The following CLEC16A variants were observed in gnomAD, a reference collection of about 807,000 sequenced individuals.
CLEC16A encodes C-type lectin domain containing 16A.
Under a neutral mutation model 109.5 loss-of-function variants are expected in CLEC16A, and 51 were observed. The observed-to-expected ratio is 0.47, with a 90% CI of 0.37 to 0.59. CLEC16A has a LOEUF of 0.59. CLEC16A is among the 20% of genes least tolerant of loss of function. CLEC16A has a pLI of 0.00. For synonymous variants in CLEC16A, 673 were observed against 564.2 expected (o/e 1.19, Z -2.73); for missense variants, 1,339 against 1,394.0 (o/e 0.96, Z 0.63).
At chr16:11,149,527 C>T (rs1244841654) in intron 22 of CLEC16A, among the ~76,000 whole-genome samples, 1 of 152,062 alleles carries the variant, frequency 6.6e-6, no homozygotes, top group African/African-American at 2.4e-5. Context: ...CACAGTGGCT[C>T]ATGCCTGTAA....
At chr16:11,112,809 A>G (rs1003899171) in intron 19 of CLEC16A, among the ~76,000 whole-genome samples, 4 of 152,234 alleles carry the variant, frequency 2.6e-5, no homozygotes, top group Non-Finnish European at 5.9e-5. Context: ...GAGGCATGCC[A>G]TACCTTCAGG....
At chr16:11,061,145 G>C in intron 19 of CLEC16A, 123 bp downstream of exon 19, 1 of 1,169,102 alleles carries the variant, frequency 8.6e-7, no homozygotes, top group Non-Finnish European at 1.1e-6. Context: ...CTATTATTGA[G>C]CTGTGACCTT....
chr16:11,151,234 A>G (rs1418369290), intron 22 of CLEC16A, among the ~76,000 whole-genome samples: 1 of 152,220 alleles, frequency 6.6e-6, no homozygotes, highest in African/African-American at 2.4e-5. Flanking sequence ...CTTATTCAGA[A>G]ATCTTGGTCT....
At chr16:10,969,358 T>A in intron 4 of CLEC16A, 49 bp downstream of exon 4, 3 of 149,536 alleles carry the variant, frequency 2.0e-5, no homozygotes, top group Non-Finnish European at 2.4e-5. Context: ...CACACGTGGC[T>A]TTTTTTTTTT....
At chr16:11,018,409 GAGAGCCTTCCAGGC>G (rs932579336) in intron 11 of CLEC16A, among the ~76,000 whole-genome samples, 1 of 152,102 alleles carries the variant, frequency 6.6e-6, no homozygotes, top group Non-Finnish European at 1.5e-5. Context: ...GACCTGGTGT[GAGAGCCTTCCAGGC>G]AGAGGAAATT....
chr16:11,128,636 C>G (rs959758322), intron 22 of CLEC16A, among the ~76,000 whole-genome samples: 4 of 152,210 alleles, frequency 2.6e-5, no homozygotes, highest in South Asian at 4.1e-4. Flanking sequence ...TGGCTTGGCA[C>G]CAGAGCTGTG....
intron 3 of CLEC16A, 29 bp downstream of exon 3, chr16:10,962,617 GTGC>G (rs2042303217): frequency 1.2e-6 from 2 of 1,610,214 alleles, no homozygotes; most frequent in Non-Finnish European, 1.7e-6. Flanking sequence ...ATTTGCCTCT[GTGC>G]TGCTGTGCAT....
chr16:11,127,059 A>G (rs1434527187), intron 22 of CLEC16A, among the ~76,000 whole-genome samples: 2 of 152,230 alleles, frequency 1.3e-5, no homozygotes, highest in Non-Finnish European at 2.9e-5. Context: ...ATGATTTTTT[A>G]AAATCCAGAC....
At chr16:10,985,494 A>G (rs1026152366) in intron 10 of CLEC16A, among the ~76,000 whole-genome samples, 3 of 151,594 alleles carry the variant, frequency 2.0e-5, no homozygotes, top group East Asian at 1.9e-4. Flanking sequence ...AACTGGGACT[A>G]CATTGATGTT....
At position 11,178,443 on chromosome 16, in the gene CLEC16A, C is replaced by T; in HGVS notation, c.2915C>T (p.Ala972Val). ...SKPSKNVARSAAVETASLSPS... is the reference protein window; with the variant it reads ...SKPSKNVARSVAVETASLSPS... ...CCCAGCAAGAACGTGGCCAGGAGCGCAGCCGTGGAGACAGCCAGCCTGTCC... is the reference window on the plus strand; with the variant it reads ...CCCAGCAAGAACGTGGCCAGGAGCGTAGCCGTGGAGACAGCCAGCCTGTCC... The change falls in exon 24 of 24, where the codon GCA becomes GTA. Residue 972 changes from alanine to valine, a missense_variant. Physicochemically the swap from Ala to Val is moderately conservative, Grantham distance 64. This residue lies in a region of CLEC16A where 1,061 missense variants were observed against 1,006.8 expected (regional missense o/e 1.05). Transcript: ENST00000409790. The surrounding 1 kb of genome is among the most constrained non-coding windows in gnomAD (Gnocchi z 6.5). 1 of 1,613,592 alleles carries T rather than the reference C, an allele frequency of 6.2e-7. No homozygotes were observed.
chr16:11,036,968 G>A (rs1333476894), intron 13 of CLEC16A, among the ~76,000 whole-genome samples: 2 of 152,214 alleles, frequency 1.3e-5, no homozygotes, highest in African/African-American at 2.4e-5. Context: ...GCATAATAAT[G>A]AGAGATAAAG....
rs1021610738 is a variant in CLEC16A at position 10,948,174 on chromosome 16, T to C, written c.80+3377T>C. Among the ~76,000 whole-genome samples, 5 of 152,348 alleles carry C rather than the reference T, an allele frequency of 3.3e-5. No individual in the cohort carries two copies. In the South Asian group the frequency reaches 1.0e-3, roughly 32 times the overall value. ...TCCCAAAGTGCTGGGATTACAGGCATGAGCCACTGCACCCGGCCTAGACTT... is the reference window on the plus strand; with the variant it reads ...TCCCAAAGTGCTGGGATTACAGGCACGAGCCACTGCACCCGGCCTAGACTT... On this transcript the variant is annotated intron_variant, in intron 1 of 23. Transcript: ENST00000409790.
At chr16:11,075,396 G>GTC (rs1168161185) in intron 19 of CLEC16A, among the ~76,000 whole-genome samples, 4 of 133,380 alleles carry the variant, frequency 3.0e-5, no homozygotes, top group Admixed American at 2.2e-4. Flanking sequence ...GTGTGTGTGT[G>GTC]TGTGTGTGTG....
chr16:10,985,224 T>A (rs866166042), intron 10 of CLEC16A, among the ~76,000 whole-genome samples: 276 of 129,436 alleles, frequency 2.1e-3, no homozygotes, highest in East Asian at 7.3e-3. Context: ...AAAAAAAATA[T>A]ATATATATAT....
chr16:11,002,058 T>C (rs1021008146), intron 10 of CLEC16A, among the ~76,000 whole-genome samples: 3 of 152,226 alleles, frequency 2.0e-5, no homozygotes, highest in African/African-American at 7.2e-5. Flanking sequence ...CAGTGGGCTG[T>C]AGCTAAGACA....
chr16:11,036,974 T>G (rs955393130), intron 13 of CLEC16A, among the ~76,000 whole-genome samples: 1 of 152,248 alleles, frequency 6.6e-6, no homozygotes, highest in African/African-American at 2.4e-5. Context: ...TAATGAGAGA[T>G]AAAGTTGTTG....
At chr16:11,028,034 C>T (rs1181509609) in intron 13 of CLEC16A, among the ~76,000 whole-genome samples, 1 of 152,112 alleles carries the variant, frequency 6.6e-6, no homozygotes, top group Non-Finnish European at 1.5e-5. Context: ...AATGCCATCT[C>T]TACTAAAAAT....
intron 7 of CLEC16A, among the ~76,000 whole-genome samples, chr16:10,973,280 TCAGTA>T (rs2042881694): frequency 6.6e-6 from 1 of 152,170 alleles, no homozygotes; most frequent in Non-Finnish European, 1.5e-5. Context: ...GTAAATCAAT[TCAGTA>T]CAGCCATAGA....
chr16:11,064,891 G>A (rs547485779), intron 19 of CLEC16A, among the ~76,000 whole-genome samples: 2 of 152,268 alleles, frequency 1.3e-5, no homozygotes, highest in South Asian at 2.1e-4. Flanking sequence ...TGCCCAGTGA[G>A]TGGGAGTTGG....
Sources: gnomAD v4.1 joint callset for allele counts (sites outside exome capture counted in the v4.1 genomes callset) on GRCh38, gnomAD v4.1.1 for gene constraint, gnomAD v4.1.1 regional missense constraint, Gnocchi (gnomAD v3.1) non-coding constraint, MANE v1.5 for transcripts, NCBI Gene and HGNC (gene_info 2026-07-23, HGNC 2026-07-21) for gene names.